NSUN6: variants seen among roughly 807,000 people sequenced by gnomAD.
NSUN6 encodes the protein tRNA (cytosine(72)-C(5))-methyltransferase NSUN6.
A neutral mutation model predicts 58.0 loss-of-function variants in NSUN6; 64 were observed. The observed-to-expected ratio is 1.10, with a 90% CI of 0.90 to 1.36. The LOEUF is 1.36. Ranked by LOEUF, NSUN6 falls within the 40% of genes most tolerant of loss-of-function variation. The probability of loss-of-function intolerance (pLI) is 0.00; values close to 1 mark genes in which losing one functional copy is unlikely to be tolerated. For missense variants in NSUN6, 701 were observed against 550.1 expected, an observed-to-expected ratio of 1.27 and a Z score of -2.74; for synonymous variants, 231 against 193.9, an observed-to-expected ratio of 1.19 and a Z score of -1.59.
intron 9 of NSUN6, among the ~76,000 whole-genome samples, chr10:18,548,438 C>T (rs922364980): frequency 1.3e-5 from 2 of 152,208 alleles, no homozygotes; most frequent in South Asian, 2.1e-4. Flanking sequence ...TATCTTGGAA[C>T]TGTCATACTC....
At chr10:18,617,542 C>T (rs1355190608) in intron 3 of NSUN6, among the ~76,000 whole-genome samples, 3 of 152,148 alleles carry the variant, frequency 2.0e-5, no homozygotes. Flanking sequence ...AGAGACGTCT[C>T]ACAGTTACTT....
upstream of NSUN6, chr10:18,651,588 A>C (rs974947761): frequency 6.1e-6 from 6 of 990,110 alleles, no homozygotes; most frequent in Non-Finnish European, 7.2e-6. Flanking sequence ...CTTTTCTATC[A>C]ATTTCCAAAC....
rs756559307 is a variant in NSUN6, at chr10:18,596,232, G to A, written c.753C>T (p.His251=). 3 of 1,611,468 alleles carry A rather than the reference G, an allele frequency of 1.9e-6. No individual in the cohort carries two copies. Among genetic ancestry groups the A allele is most frequent in the Admixed American group, 3.3e-5 (2 of 60,016 alleles). Residue 251 remains histidine (H), a synonymous_variant, in exon 7 of 11, where the codon CAC becomes CAT. Coordinates refer to ENST00000377304, the MANE Select transcript of NSUN6 (RefSeq NM_182543.5). ...CCTGATCATGCATTAGTGCTGCAAT[G>A]TGTGTTGTTTTCCCTCCAGGTGCTG... The part of the protein sequence containing the change: ...LCAAPGGKTT[H]IAALMHDQGE...
chr10:18,617,082 T>C lies in NSUN6; in HGVS notation c.312-789A>G, dbSNP rs546614164. On this transcript the variant is annotated intron_variant, in intron 3 of 10. Coordinates refer to ENST00000377304, the MANE Select transcript of NSUN6 (RefSeq NM_182543.5). The stretch of plus-strand genomic sequence containing the variant: ...GCTCTCCCCGCCAGGTTCCAAAACA[T>C]GCGACCATCTCTACTCACCTTGCAT... 1.3e-3 allele frequency among the ~76,000 whole-genome samples: 192 copies of C among 152,226 alleles called. 2 individuals are homozygous for C. Among genetic ancestry groups the C allele is most frequent in the African/African-American group, 4.5e-3 (188 of 41,538 alleles).
chr10:18,636,748 C>T (rs959445507), intron 3 of NSUN6, among the ~76,000 whole-genome samples: 8 of 151,650 alleles, frequency 5.3e-5, no homozygotes, highest in East Asian at 3.9e-4. Context: ...AAAAATTAGT[C>T]GGGCGTGGTG....
At chr10:18,645,975 A>G (rs2059533615) in intron 2 of NSUN6, among the ~76,000 whole-genome samples, 1 of 152,152 alleles carries the variant, frequency 6.6e-6, no homozygotes. Context: ...CACGCAGATC[A>G]CTTGAAGTTA....
intron 4 of NSUN6, among the ~76,000 whole-genome samples, chr10:18,615,921 G>A (rs1049554461): frequency 5.3e-5 from 8 of 151,522 alleles, no homozygotes; most frequent in African/African-American, 9.7e-5. Flanking sequence ...GTTCATTGAC[G>A]TACTCTATCA....
At chr10:18,622,133 A>C (rs994672432) in intron 3 of NSUN6, among the ~76,000 whole-genome samples, 2 of 152,196 alleles carry the variant, frequency 1.3e-5, no homozygotes, top group African/African-American at 4.8e-5. Context: ...CAAAATTCAC[A>C]TGCTGAAACC....
At position 18,545,777 on chromosome 10, in the gene NSUN6, A is replaced by G. The variant is rs1021224355; in HGVS notation, c.*156T>C. The G allele has an allele frequency of 1.6e-6, 1 of 612,944 alleles. No homozygotes were observed. The highest frequency in any genetic ancestry group is 2.0e-5 in the South Asian group (1 of 49,766). The allele number at this position is 612,944 out of a possible 1,614,324, so 38.0% of individuals were successfully genotyped here. On this transcript the variant is annotated 3_prime_UTR_variant, in exon 11 of 11. Coordinates refer to ENST00000377304, the MANE Select transcript of NSUN6 (RefSeq NM_182543.5). ...TCTCATACCACCCCCTACTTCCTCTATGTCTCTGGATCCCTGGTAAAACAG... is the reference window on the plus strand; with the variant it reads ...TCTCATACCACCCCCTACTTCCTCTGTGTCTCTGGATCCCTGGTAAAACAG...
At chr10:18,573,099 T>A (rs2056466967) in intron 8 of NSUN6, among the ~76,000 whole-genome samples, 2 of 149,764 alleles carry the variant, frequency 1.3e-5, no homozygotes, top group South Asian at 4.3e-4. Flanking sequence ...TTCCATTCCA[T>A]CCTCCGTTAC....
Position 18,567,325 on chromosome 10 carries a change from T to G in NSUN6, c.923-15354A>C, listed in dbSNP as rs368059591. ...TCCTCCATTCCATTCTATTCACCAATGCATTCCATTCCATTCCATTCTATT... is the reference window on the plus strand; with the variant it reads ...TCCTCCATTCCATTCTATTCACCAAGGCATTCCATTCCATTCCATTCTATT... On this transcript the variant is annotated intron_variant, in intron 8 of 10. Transcript: ENST00000377304. Among the ~76,000 whole-genome samples the G allele has an allele frequency of 7.9e-5, 12 of 151,310 alleles. No homozygotes were observed. In the East Asian group the frequency reaches 2.0e-3, roughly 25 times the overall value.
chr10:18,562,787 T>TGGAATGGAGAGGAGAAA (rs2055627875), intron 8 of NSUN6, among the ~76,000 whole-genome samples: 3 of 142,978 alleles, frequency 2.1e-5, no homozygotes, highest in South Asian at 2.2e-4. Context: ...GATAATGGAA[T>TGGAATGGAGAGGAGAAA]GGAATGGAGT....
chr10:18,561,705 T>A (rs553057323), intron 8 of NSUN6, among the ~76,000 whole-genome samples: 49 of 143,434 alleles, frequency 3.4e-4, no homozygotes, highest in African/African-American at 1.1e-3. Context: ...GAATGGAGAA[T>A]GGAATAGAAT....
At chr10:18,651,014 A>AG in intron 1 of NSUN6, 115 bp downstream of exon 1, 1 of 1,202,308 alleles carries the variant, frequency 8.3e-7, no homozygotes, top group Non-Finnish European at 1.2e-6. Context: ...TTGATAGACA[A>AG]GTAGTAAGGA....
upstream of NSUN6, among the ~76,000 whole-genome samples, chr10:18,657,534 T>C (rs1376300334): frequency 6.6e-6 from 1 of 152,190 alleles, no homozygotes; most frequent in Non-Finnish European, 1.5e-5. Context: ...AATTCAAACT[T>C]ACTGTCTCTA....
rs2131191413 is a variant in NSUN6 at position 18,594,421 on chromosome 10, G to C, written c.777+1787C>G. On this transcript the variant is annotated intron_variant, in intron 7 of 10. Coordinates refer to ENST00000377304, the MANE Select transcript of NSUN6 (RefSeq NM_182543.5). ...TCAAATACTACCAGGTTCAGTGATA[G>C]ACACTTTCTGTTTTTTTTTGTTGTT... 1.4e-5 allele frequency among the ~76,000 whole-genome samples: 2 copies of C among 144,716 alleles called. 1 individual carries two copies. The highest frequency in any genetic ancestry group is 1.4e-4 in the Admixed American group (2 of 14,474). 94.9% of individuals were successfully genotyped at this position (144,716 alleles called of 152,430 possible). A position where few individuals can be genotyped will look rare whatever the true frequency, so the allele number is the denominator to read the frequency against.
intron 3 of NSUN6, among the ~76,000 whole-genome samples, chr10:18,617,304 C>T (rs1009136838): frequency 3.3e-5 from 5 of 151,260 alleles, no homozygotes; most frequent in African/African-American, 1.2e-4. Context: ...TCTCATGCCT[C>T]AGCCTCCTGA....
chr10:18,561,945 A>G (rs1376173487), intron 8 of NSUN6, among the ~76,000 whole-genome samples: 1 of 150,034 alleles, frequency 6.7e-6, no homozygotes, highest in Non-Finnish European at 1.5e-5. Flanking sequence ...TGGAGAATGG[A>G]AAAGAGTGGA....
chr10:18,639,514 A>G (rs1389592113), intron 3 of NSUN6, among the ~76,000 whole-genome samples: 4 of 152,182 alleles, frequency 2.6e-5, no homozygotes, highest in African/African-American at 9.6e-5. Context: ...AAAAACAAAA[A>G]AATTTTAAAA....
Sources: allele counts gnomAD v4.1 joint callset (sites outside exome capture counted in the v4.1 genomes callset), GRCh38; gene constraint gnomAD v4.1.1; transcripts MANE v1.5; gene names NCBI Gene and HGNC (gene_info 2026-07-23, HGNC 2026-07-21).